Variants in GUCA1C observed in about 807,000 individuals in gnomAD.
GUCA1C encodes the protein guanylyl cyclase-activating protein 3.
In GUCA1C, 15 loss-of-function variants were observed where a neutral mutation model predicts 16.2. The ratio of observed to expected loss-of-function variants is 0.93; its 90% CI spans 0.62 to 1.43. The LOEUF is 1.43. Among genes scored for constraint, GUCA1C ranks in the 40% most tolerant of loss-of-function variants. The pLI, the probability that GUCA1C is intolerant of heterozygous loss-of-function variation, is 0.00. For synonymous variants in GUCA1C, 78 were observed against 85.4 expected (o/e 0.91, Z 0.48); for missense variants, 275 against 244.8 (o/e 1.12, Z -0.82).
chr3:108,932,276 G>C (rs1484268560), intron 1 of GUCA1C, among the ~76,000 whole-genome samples: 1 of 128,578 alleles, frequency 7.8e-6, no homozygotes, highest in Non-Finnish European at 1.6e-5. Context: ...CCTTGCATGA[G>C]AATCATATGG....
intron 1 of GUCA1C, among the ~76,000 whole-genome samples, chr3:108,926,314 G>GTCCT (rs2107292192): frequency 1.3e-5 from 2 of 152,262 alleles, no homozygotes; most frequent in South Asian, 4.1e-4. Context: ...GTTTATGTGA[G>GTCCT]TCCTTATTTG....
intron 3 of GUCA1C, among the ~76,000 whole-genome samples, chr3:108,912,425 T>C (rs987299818): frequency 1.2e-4 from 18 of 152,076 alleles, no homozygotes; most frequent in African/African-American, 4.3e-4. Flanking sequence ...TTGAATAATA[T>C]TGAATGTTTA....
chr3:108,948,651 C>T (rs1946867727), intron 1 of GUCA1C, among the ~76,000 whole-genome samples: 1 of 151,874 alleles, frequency 6.6e-6, no homozygotes, highest in South Asian at 2.1e-4. Context: ...GGTTTTTTTC[C>T]ACTTTTAGCT....
chr3:108,921,633 A>C (rs1029359065), intron 1 of GUCA1C, among the ~76,000 whole-genome samples: 1 of 152,130 alleles, frequency 6.6e-6, no homozygotes, highest in African/African-American at 2.4e-5. Context: ...TGGCCATTCT[A>C]ATAGGTGTGT....
chr3:108,912,596 C>T (rs1946467845), intron 3 of GUCA1C, among the ~76,000 whole-genome samples: 1 of 151,476 alleles, frequency 6.6e-6, no homozygotes, highest in Non-Finnish European at 1.5e-5. Flanking sequence ...AAAAATTGCC[C>T]TTTAACCTCT....
intron 1 of GUCA1C, among the ~76,000 whole-genome samples, chr3:108,948,495 C>CT (rs570872942): frequency 3.8e-4 from 58 of 152,188 alleles, no homozygotes; most frequent in African/African-American, 1.4e-3. Context: ...TGAGAACAGA[C>CT]TAATAAACCC....
chr3:108,908,055 G>T lies in GUCA1C; in HGVS notation c.597C>A (p.Asp199Glu). Residue 199 changes from aspartate (D) to glutamate (E), a missense_variant, in exon 4 of 4, where the codon GAC (aspartate) becomes GAA (glutamate). By Grantham distance (45) the Asp-to-Glu change is conservative. Transcript: ENST00000261047. ...TTTTCACCTTCCCTAGACCAGCCTT[G>T]TCAGGAGATTTGGAGGAGTCTGTCT... ...DMETDSSKSP[D>E]KAGLGKVKMK 6.2e-7 allele frequency: 1 copy of T among 1,613,768 alleles called. No individual in the cohort carries two copies. Among genetic ancestry groups the T allele is most frequent in the Non-Finnish European group, 8.5e-7 (1 of 1,179,794 alleles).
rs1055896070 is a variant in GUCA1C at position 108,907,855 on chromosome 3, T to A, written c.*167A>T. 5 of 583,128 alleles carry A rather than the reference T, an allele frequency of 8.6e-6. No homozygotes were observed. The highest frequency in any genetic ancestry group is 3.2e-5 in the Admixed American group (1 of 31,498). 36.1% of individuals were successfully genotyped at this position (583,128 alleles called of 1,614,324 possible). On this transcript the variant is annotated 3_prime_UTR_variant, in exon 4 of 4. Coordinates refer to ENST00000261047, the MANE Select transcript of GUCA1C (RefSeq NM_005459.4). ...ACAGAAAAGCAACAATGCATCTGTTTAGGATCTTTATGCAAGTCTCTACTG... is the reference window on the plus strand; with the variant it reads ...ACAGAAAAGCAACAATGCATCTGTTAAGGATCTTTATGCAAGTCTCTACTG...
At chr3:108,913,246 T>TA (rs1170786251) in intron 3 of GUCA1C, among the ~76,000 whole-genome samples, 2 of 151,360 alleles carry the variant, frequency 1.3e-5, no homozygotes, top group Admixed American at 1.3e-4. Context: ...TATATATATA[T>TA]ATGTCAGTGT....
At chr3:108,932,550 T>A (rs1946679892) in intron 1 of GUCA1C, among the ~76,000 whole-genome samples, 1 of 152,134 alleles carries the variant, frequency 6.6e-6, no homozygotes, top group South Asian at 2.1e-4. Context: ...CAATGTGAAT[T>A]TATGTAACCT....
chr3:108,949,395 C>T (rs868655353), intron 1 of GUCA1C, among the ~76,000 whole-genome samples: 5 of 152,080 alleles, frequency 3.3e-5, no homozygotes, highest in African/African-American at 7.2e-5. Flanking sequence ...CTCCTGCAAC[C>T]GAAGGTCCAG....
chr3:108,947,720 G>A (rs1364493224), intron 1 of GUCA1C, among the ~76,000 whole-genome samples: 1 of 152,032 alleles, frequency 6.6e-6, no homozygotes, highest in African/African-American at 2.4e-5. Flanking sequence ...AAACAAAAAT[G>A]GCAAAATTTT....
chr3:108,939,337 T>C, intron 1 of GUCA1C, among the ~76,000 whole-genome samples: 1 of 115,990 alleles, frequency 8.6e-6, no homozygotes, highest in Non-Finnish European at 1.9e-5. Flanking sequence ...TTTTTTTTTT[T>C]TTTTTTTTTT....
intron 1 of GUCA1C, among the ~76,000 whole-genome samples, chr3:108,952,551 G>A (rs1338071873): frequency 1.3e-5 from 2 of 152,192 alleles, no homozygotes; most frequent in East Asian, 3.9e-4. Flanking sequence ...ATCTTCCCAA[G>A]TTCCTGCCTG....
At chr3:108,927,802 C>T (rs1333465555) in intron 1 of GUCA1C, among the ~76,000 whole-genome samples, 4 of 152,078 alleles carry the variant, frequency 2.6e-5, no homozygotes, top group Admixed American at 6.5e-5. Context: ...TTTTGTCATA[C>T]TATCAGAATT....
chr3:108,946,228 A>G (rs1327890567), intron 1 of GUCA1C, among the ~76,000 whole-genome samples: 1 of 152,202 alleles, frequency 6.6e-6, no homozygotes, highest in Non-Finnish European at 1.5e-5. Flanking sequence ...TCCAGACTCA[A>G]GCGATCCTCC....
chr3:108,909,023 C>A (rs1946420806), intron 3 of GUCA1C, among the ~76,000 whole-genome samples: 1 of 152,148 alleles, frequency 6.6e-6, no homozygotes. Flanking sequence ...GGACGGAGTG[C>A]ATTCAAGAAC....
intron 1 of GUCA1C, among the ~76,000 whole-genome samples, chr3:108,937,179 C>T (rs1305839829): frequency 4.6e-5 from 7 of 152,186 alleles, no homozygotes; most frequent in Admixed American, 4.6e-4. Flanking sequence ...CCACAGCTGG[C>T]TTTTGCTGTG....
chr3:108,923,532 C>T (rs1946590697), intron 1 of GUCA1C, among the ~76,000 whole-genome samples: 1 of 152,180 alleles, frequency 6.6e-6, no homozygotes, highest in South Asian at 2.1e-4. Flanking sequence ...ATACCAGTGC[C>T]ATGCTGTTTG....
Sources: allele counts gnomAD v4.1 joint callset (sites outside exome capture counted in the v4.1 genomes callset), GRCh38; gene constraint gnomAD v4.1.1; transcripts MANE v1.5; gene names NCBI Gene and HGNC (gene_info 2026-07-23, HGNC 2026-07-21).